The following FBXW7 variants were observed in gnomAD, a reference collection of about 807,000 sequenced individuals.
The protein encoded by FBXW7 is F-box/WD repeat-containing protein 7.
A neutral mutation model predicts 86.3 loss-of-function variants in FBXW7; 11 were observed. That is an observed-to-expected ratio of 0.13 (90% CI 0.08 to 0.21). The LOEUF is 0.21. FBXW7 is among the 10% of genes least tolerant of loss of function. The pLI is 1.00. For synonymous variants in FBXW7, 313 were observed against 297.9 expected (o/e 1.05, Z -0.52); for missense variants, 488 against 847.4 (o/e 0.58, Z 5.27).
At position 152,350,090 on chromosome 4, in the gene FBXW7, C is replaced by T. The variant is rs201753217; in HGVS notation, c.536G>A (p.Arg179His). 16 of 1,566,440 alleles carry T rather than the reference C, an allele frequency of 1.0e-5. No individual in the cohort carries two copies. The highest frequency in any genetic ancestry group is 1.9e-4 in the Middle Eastern group (1 of 5,332). ...TGGTTTCTTTCCCAAAGAAAAAGAGCGGACCTCAGAACCATGGTCCAACTT... is the reference window on the plus strand; with the variant it reads ...TGGTTTCTTTCCCAAAGAAAAAGAGTGGACCTCAGAACCATGGTCCAACTT... Reference protein sequence around the residue: ...KRKLDHGSEVRSFSLGKKPCK... With the variant: ...KRKLDHGSEVHSFSLGKKPCK... The change falls in exon 5 of 14, where the codon CGC (arginine) becomes CAC (histidine). Residue 179 changes from arginine to histidine, a missense_variant. Arg to His is a conservative substitution (Grantham distance 29, BLOSUM62 0). Transcript: ENST00000281708.
intron 4 of FBXW7, 175 bp downstream of exon 4, chr4:152,411,128 T>C: frequency 9.5e-7 from 1 of 1,055,226 alleles, no homozygotes; most frequent in South Asian, 2.5e-5. Flanking sequence ...CCATTATCAG[T>C]ATTTCTACTT....
chr4:152,417,799 G>C (rs111303166), intron 2 of FBXW7, among the ~76,000 whole-genome samples: 1 of 151,984 alleles, frequency 6.6e-6, no homozygotes, highest in African/African-American at 2.4e-5. Context: ...TCCATCTATC[G>C]CACCTTGGAA....
intron 12 of FBXW7, chr4:152,325,266 C>G (rs1417199164): frequency 3.3e-5 from 5 of 152,040 alleles, no homozygotes; most frequent in Non-Finnish European, 7.4e-5. Flanking sequence ...AACAAATATC[C>G]TAAGAACAGA....
chr4:152,500,666 T>C (rs1746857849), intron 2 of FBXW7, among the ~76,000 whole-genome samples: 1 of 152,146 alleles, frequency 6.6e-6, no homozygotes, highest in Non-Finnish European at 1.5e-5. Flanking sequence ...GGATGGTAAC[T>C]GTCTTAAGCA....
chr4:152,525,196 G>A (rs1386563449), intron 2 of FBXW7, among the ~76,000 whole-genome samples: 3 of 152,092 alleles, frequency 2.0e-5, no homozygotes, highest in Non-Finnish European at 4.4e-5. Context: ...CATCTAACTA[G>A]AGAGCCACTA....
intron 4 of FBXW7, among the ~76,000 whole-genome samples, chr4:152,375,947 A>C (rs1045415528): frequency 7.9e-5 from 12 of 152,240 alleles, no homozygotes; most frequent in Admixed American, 6.5e-4. Flanking sequence ...AACAATAGTG[A>C]GAAATTACGA....
intron 2 of FBXW7, among the ~76,000 whole-genome samples, chr4:152,436,398 G>T (rs1740384584): frequency 6.6e-6 from 1 of 152,252 alleles, no homozygotes; most frequent in African/African-American, 2.4e-5. Context: ...GAAGCTAGCA[G>T]AGGTTGGTTC....
chr4:152,387,708 C>CTTTTTTTTTTTTTT lies in FBXW7; in HGVS notation c.501+23581_501+23594dup, dbSNP rs34073737. ...ATCAAAGAAAAAAAACATGGCATAC[C>CTTTTTTTTTTTTTT]TTTTTTTTTTTTTTTTTTGAGACTG... is the stretch of plus-strand genomic sequence containing the variant. On this transcript the variant is annotated intron_variant, in intron 4 of 13. Coordinates refer to ENST00000281708, the MANE Select transcript of FBXW7 (RefSeq NM_001349798.2). Among the ~76,000 whole-genome samples the CTTTTTTTTTTTTTT allele has an allele frequency of 4.3e-4, 49 of 112,788 alleles. 1 individual carries two copies. Among genetic ancestry groups the CTTTTTTTTTTTTTT allele is most frequent in the African/African-American group, 1.6e-3 (44 of 28,172 alleles). The allele number at this position is 112,788 out of a possible 152,430, so 74.0% of individuals were successfully genotyped here. A position where few individuals can be genotyped will look rare whatever the true frequency, so the allele number is the denominator to read the frequency against.
rs761747465 is a variant in FBXW7, at chr4:152,330,742, T to C, written c.1112A>G (p.Lys371Arg). The C allele has an allele frequency of 1.2e-6, 2 of 1,612,076 alleles. No individual in the cohort carries two copies. The highest frequency in any genetic ancestry group is 1.7e-4 in the Middle Eastern group (1 of 6,050). Residue 371 changes from lysine to arginine, a missense_variant, in exon 9 of 14, where the codon AAA (lysine) becomes AGA (arginine). Lys to Arg is a conservative substitution (Grantham distance 26). Coordinates refer to ENST00000281708, the MANE Select transcript of FBXW7 (RefSeq NM_001349798.2). ...GCAGAGTTCAGTTACCTTAGGAGAT[T>C]TGAGTTCTCCTCGCCTCCAGTTAGT... ...IDTNWRRGELKSPKVLKGHDD... is the reference protein window; with the variant it reads ...IDTNWRRGELRSPKVLKGHDD...
intron 2 of FBXW7, among the ~76,000 whole-genome samples, chr4:152,414,713 A>G (rs922654537): frequency 3.9e-5 from 6 of 152,246 alleles, no homozygotes; most frequent in Non-Finnish European, 8.8e-5. Context: ...AGTGTGGGGA[A>G]CAACATTCTT....
intron 2 of FBXW7, among the ~76,000 whole-genome samples, chr4:152,467,934 T>C (rs945838466): frequency 3.3e-5 from 5 of 151,616 alleles, no homozygotes; most frequent in African/African-American, 9.7e-5. Flanking sequence ...GTTTCCAGAA[T>C]ATATAAAGAA....
chr4:152,448,253 T>C (rs1025949523), intron 2 of FBXW7, among the ~76,000 whole-genome samples: 2 of 152,196 alleles, frequency 1.3e-5, no homozygotes, highest in Non-Finnish European at 2.9e-5. Context: ...CCTGATCCTA[T>C]TACAAAATCA....
Position 152,411,361 on chromosome 4 carries a change from C to G in FBXW7, c.443G>C (p.Ser148Thr), listed in dbSNP as rs1368147718. 2.5e-6 allele frequency: 4 copies of G among 1,613,544 alleles called. No individual in the cohort carries two copies. In the East Asian group the frequency reaches 8.9e-5, roughly 36 times the overall value. The change falls in exon 4 of 14, where the codon AGT (serine) becomes ACT (threonine). Residue 148 changes from serine (S) to threonine (T), a missense_variant. Ser to Thr is a moderately conservative substitution (Grantham distance 58). Coordinates refer to ENST00000281708, the MANE Select transcript of FBXW7 (RefSeq NM_001349798.2). ...TTGGTGAACGGGCAGGTCCACAATA[C>G]TACTGGAGTTCGTGACACTGTTAGT... ...THTNSVTNSS[S>T]IVDLPVHQLS...
chr4:152,504,912 T>C (rs1747273469), intron 2 of FBXW7, among the ~76,000 whole-genome samples: 1 of 152,126 alleles, frequency 6.6e-6, no homozygotes, highest in African/African-American at 2.4e-5. Context: ...TTAATAAGGG[T>C]ATTGCAATTT....
At chr4:152,425,330 CAGCAA>C (rs2126929782) in intron 2 of FBXW7, among the ~76,000 whole-genome samples, 1 of 152,314 alleles carries the variant, frequency 6.6e-6, no homozygotes, top group African/African-American at 2.4e-5. Flanking sequence ...ATTTTAAGCC[CAGCAA>C]AACCAAACAT....
intron 6 of FBXW7, among the ~76,000 whole-genome samples, chr4:152,344,209 C>T (rs1156322296): frequency 6.6e-6 from 1 of 152,074 alleles, no homozygotes; most frequent in Non-Finnish European, 1.5e-5. Context: ...CACAGTAAGC[C>T]TTTAGGCAAG....
chr4:152,357,215 G>A (rs1323945539), intron 4 of FBXW7, among the ~76,000 whole-genome samples: 1 of 151,968 alleles, frequency 6.6e-6, no homozygotes, highest in Non-Finnish European at 1.5e-5. Flanking sequence ...GGAAGGGGAT[G>A]TTTATAATAT....
intron 4 of FBXW7, among the ~76,000 whole-genome samples, chr4:152,396,973 T>A (rs1736473783): frequency 1.3e-5 from 2 of 152,058 alleles, no homozygotes; most frequent in South Asian, 4.1e-4. Flanking sequence ...TTATAGTAAC[T>A]AATTTGAAGA....
At chr4:152,470,573 C>A (rs56105447) in intron 2 of FBXW7, among the ~76,000 whole-genome samples, 6,149 of 151,986 alleles carry the variant, frequency 0.04, 409 homozygotes, top group African/African-American at 0.14. Context: ...ATATTTTATG[C>A]ATAACAAAAA....
Sources: gnomAD v4.1 joint callset for allele counts (sites outside exome capture counted in the v4.1 genomes callset) on GRCh38, gnomAD v4.1.1 for gene constraint, MANE v1.5 for transcripts, NCBI Gene and HGNC (gene_info 2026-07-23, HGNC 2026-07-21) for gene names.